Variants in ARID1B observed in about 807,000 individuals in gnomAD.
ARID1B encodes AT-rich interaction domain 1B, also known as AT-rich interactive domain-containing protein 1B.
ARID1B carries 30 observed loss-of-function variants against 212.3 expected under a neutral mutation model. That is an observed-to-expected ratio of 0.14 (90% CI 0.11 to 0.19). The LOEUF is 0.19. Ranked by LOEUF, ARID1B falls within the 10% of genes least tolerant of loss-of-function variation. The probability of loss-of-function intolerance (pLI) is 1.00; values close to 1 mark genes in which losing one functional copy is unlikely to be tolerated. For synonymous variants in ARID1B, 1,402 were observed against 1,301.7 expected, an observed-to-expected ratio of 1.08 and a Z score of -1.66; for missense variants, 2,891 against 3,204.0, an observed-to-expected ratio of 0.90 and a Z score of 2.36.
intron 11 of ARID1B, among the ~76,000 whole-genome samples, chr6:157,180,650 C>T (rs1055397802): frequency 8.5e-5 from 13 of 152,256 alleles, no homozygotes; most frequent in Middle Eastern, 3.4e-3. Flanking sequence ...TTAAAAATAA[C>T]ATGAGGTGTC....
chr6:157,086,824 C>G (rs1784996277), intron 5 of ARID1B, among the ~76,000 whole-genome samples: 6 of 152,148 alleles, frequency 3.9e-5, no homozygotes, highest in Admixed American at 3.9e-4. Context: ...GTCTGTGGTT[C>G]AGTTGGTTTG....
intron 4 of ARID1B, among the ~76,000 whole-genome samples, chr6:156,959,990 G>C (rs989657659): frequency 6.8e-6 from 1 of 147,018 alleles, no homozygotes; most frequent in Non-Finnish European, 1.5e-5. Context: ...GAGTGCAATG[G>C]CGCGATCTTG....
chr6:156,905,337 C>G (rs1256014636), intron 3 of ARID1B, among the ~76,000 whole-genome samples: 2 of 151,492 alleles, frequency 1.3e-5, no homozygotes, highest in Non-Finnish European at 2.9e-5. Context: ...TTTCCGAAAC[C>G]TGCAGTATGG....
chr6:156,826,162 T>C (rs2128035587), intron 1 of ARID1B, among the ~76,000 whole-genome samples: 1 of 152,332 alleles, frequency 6.6e-6, no homozygotes, highest in East Asian at 1.9e-4. Flanking sequence ...GCAGAAAAGT[T>C]GCTTGTAGGC....
At chr6:157,055,418 T>C (rs1353201154) in intron 4 of ARID1B, among the ~76,000 whole-genome samples, 1 of 152,190 alleles carries the variant, frequency 6.6e-6, no homozygotes, top group Non-Finnish European at 1.5e-5. Flanking sequence ...CTGCTCAAAA[T>C]TTTTGCTTTA....
chr6:156,897,215 G>GCTTCTTCTTCTTCTT (rs1297724982), intron 2 of ARID1B, among the ~76,000 whole-genome samples: 54 of 76,072 alleles, frequency 7.1e-4, no homozygotes, highest in Admixed American at 1.6e-3. Flanking sequence ...TGCTGCTGCT[G>GCTTCTTCTTCTTCTT]CTGCTTCTTC....
At chr6:156,824,063 A>G (rs1038452092) in intron 1 of ARID1B, among the ~76,000 whole-genome samples, 1 of 152,222 alleles carries the variant, frequency 6.6e-6, no homozygotes, top group African/African-American at 2.4e-5. Flanking sequence ...AGAAGAATCT[A>G]TATACAAACA....
chr6:156,929,689 A>C (rs953477848), intron 3 of ARID1B, among the ~76,000 whole-genome samples: 1 of 152,244 alleles, frequency 6.6e-6, no homozygotes, highest in Admixed American at 6.5e-5. Flanking sequence ...CTTTTCTTAA[A>C]TAACATGACA....
In ARID1B at chr6:157,161,381, A is replaced by G. The variant is rs1406311223; in HGVS notation, c.3090-5659A>G. On this transcript the variant is annotated intron_variant, in intron 8 of 19. Transcript: ENST00000636930. Reference sequence around the variant, plus strand: ...GCACGCTGGTGGATTAGCCACACCAAAAATTGACCAGGGCTTGACGGTCTT... The same window carrying G: ...GCACGCTGGTGGATTAGCCACACCAGAAATTGACCAGGGCTTGACGGTCTT... 2.6e-5 allele frequency among the ~76,000 whole-genome samples: 4 copies of G among 151,082 alleles called. No individual in the cohort carries two copies. The East Asian group carries it at 5.8e-4, about 22-fold the overall frequency.
intron 2 of ARID1B, among the ~76,000 whole-genome samples, chr6:156,835,239 C>CAAA (rs58070286): frequency 0.023 from 2,464 of 107,550 alleles, 97 homozygotes; most frequent in African/African-American, 0.081. Flanking sequence ...GACTCTGTCA[C>CAAA]AAAAAAAAAA....
chr6:157,198,985 C>G, intron 17 of ARID1B, 78 bp downstream of exon 17: 1 of 1,221,706 alleles, frequency 8.2e-7, no homozygotes, highest in Non-Finnish European at 1.1e-6. Flanking sequence ...TGTCTTACTT[C>G]TGAAGATTTT....
At chr6:156,818,098 ATTTTTTTTTTTT>A (rs71027317) in intron 1 of ARID1B, among the ~76,000 whole-genome samples, 24 of 61,322 alleles carry the variant, frequency 3.9e-4, no homozygotes, top group African/African-American at 1.6e-3. Context: ...TAGTTGCCCT[ATTTTTTTTTTTT>A]TTTTTTTTTT....
intron 1 of ARID1B, among the ~76,000 whole-genome samples, chr6:156,809,307 A>G (rs1781400493): frequency 6.6e-6 from 1 of 152,206 alleles, no homozygotes; most frequent in Non-Finnish European, 1.5e-5. Context: ...TTTTGTACAC[A>G]GGATGTTATA....
At chr6:157,029,897 A>G (rs1226735042) in intron 4 of ARID1B, among the ~76,000 whole-genome samples, 1 of 152,198 alleles carries the variant, frequency 6.6e-6, no homozygotes, top group Non-Finnish European at 1.5e-5. Context: ...GTGGAGATGA[A>G]AGAAGCAATT....
At chr6:157,189,840 T>TG in intron 14 of ARID1B, 60 bp downstream of exon 14, 2 of 1,607,006 alleles carry the variant, frequency 1.2e-6, no homozygotes, top group South Asian at 2.2e-5. Flanking sequence ...TTTAGTTTTC[T>TG]GGGGCAAACT....
intron 6 of ARID1B, among the ~76,000 whole-genome samples, chr6:157,115,758 G>T (rs777021935): frequency 9.2e-5 from 14 of 152,248 alleles, no homozygotes; most frequent in Middle Eastern, 3.4e-3. Flanking sequence ...AAGAAAATTA[G>T]TTCAGATTTT....
chr6:156,962,591 T>C (rs1794463764), intron 4 of ARID1B, among the ~76,000 whole-genome samples: 1 of 152,034 alleles, frequency 6.6e-6, no homozygotes, highest in African/African-American at 2.4e-5. Context: ...AAAGCGATCC[T>C]CCAACTTCAG....
chr6:157,001,017 C>T (rs1451079265), intron 4 of ARID1B, among the ~76,000 whole-genome samples: 1 of 152,138 alleles, frequency 6.6e-6, no homozygotes, highest in Non-Finnish European at 1.5e-5. Flanking sequence ...TCTAATAAAG[C>T]ATGCCCAGGT....
At chr6:156,856,700 T>TCTCA (rs1168465535) in intron 2 of ARID1B, among the ~76,000 whole-genome samples, 75 of 114,734 alleles carry the variant, frequency 6.5e-4, no homozygotes, top group Admixed American at 1.8e-3. Flanking sequence ...TCTCTCTCTC[T>TCTCA]CACACACACA....
Sources: allele counts gnomAD v4.1 joint callset (sites outside exome capture counted in the v4.1 genomes callset), GRCh38; gene constraint gnomAD v4.1.1; transcripts MANE v1.5; gene names NCBI Gene and HGNC (gene_info 2026-07-23, HGNC 2026-07-21).